The following MIER3 variants were observed in gnomAD, a reference collection of about 807,000 sequenced individuals.
MIER3 encodes MIER family member 3.
A neutral mutation model predicts 63.2 loss-of-function variants in MIER3; 9 were observed. That is an observed-to-expected ratio of 0.14 (90% confidence interval 0.09 to 0.25). The LOEUF is 0.25. MIER3 is among the 10% of genes least tolerant of loss of function. MIER3 has a pLI of 1.00. For synonymous variants in MIER3, 205 were observed against 224.9 expected (o/e 0.91, Z 0.79); for missense variants, 512 against 666.2 (o/e 0.77, Z 2.55).
chr5:56,947,519 A>G (rs79603511), intron 2 of MIER3, among the ~76,000 whole-genome samples: 2,200 of 152,296 alleles, frequency 0.014, 19 homozygotes, highest in Non-Finnish European at 0.024. Flanking sequence ...TATAAATTTT[A>G]CTCAAATTCT....
At chr5:56,935,301 T>TA (rs1750403803) in intron 7 of MIER3, 127 bp downstream of exon 7, 5 of 733,048 alleles carry the variant, frequency 6.8e-6, no homozygotes. Context: ...CTAAAAATCC[T>TA]AACTCTGCAT....
intron 10 of MIER3, chr5:56,925,211 T>G: frequency 5.9e-6 from 2 of 336,662 alleles, no homozygotes; most frequent in Non-Finnish European, 1.2e-5. Context: ...TTTTCAAACA[T>G]ACAGAAAGTG....
intron 10 of MIER3, chr5:56,927,746 G>A (rs1260417688): frequency 6.6e-6 from 1 of 151,980 alleles, no homozygotes; most frequent in Non-Finnish European, 1.5e-5. Flanking sequence ...TTTACATTAG[G>A]GTTTACTCTT....
At chr5:56,951,835 C>T (rs1051398977) in intron 1 of MIER3, among the ~76,000 whole-genome samples, 15 of 151,346 alleles carry the variant, frequency 9.9e-5, no homozygotes, top group South Asian at 6.2e-4. Context: ...CCGCCACCTC[C>T]GTCCGGCTCG....
intron 7 of MIER3, 109 bp downstream of exon 7, chr5:56,935,319 A>G: frequency 1.2e-6 from 1 of 834,252 alleles, no homozygotes; most frequent in Non-Finnish European, 1.9e-6. Context: ...CATGTTTCCC[A>G]AATCTATCTA....
Position 56,923,695 on chromosome 5 carries a change from C to T in MIER3, c.1191G>A (p.Leu397=), listed in dbSNP as rs200728399. 9.9e-6 allele frequency: 16 copies of T among 1,614,168 alleles called. No homozygotes were observed. The South Asian group carries it at 1.6e-4, about 17-fold the overall frequency. Residue 397 remains leucine (L), a synonymous_variant, in exon 12 of 13, where the codon TTG becomes TTA. Coordinates refer to ENST00000381199, the MANE Select transcript of MIER3 (RefSeq NM_001297599.2). ...GCAGAAAGGTCTTCATTTTACCTGT[C>T]AAGTCACTGGCAGTGAAGGAGTTGA... ...NILNSFTASD[L]TALTNSVATV... is the part of the protein sequence containing the mutation.
At chr5:56,947,994 C>G (rs1750883660) in intron 2 of MIER3, among the ~76,000 whole-genome samples, 1 of 152,008 alleles carries the variant, frequency 6.6e-6, no homozygotes, top group Non-Finnish European at 1.5e-5. Flanking sequence ...TCAATTAGAC[C>G]CGTAACCCTC....
chr5:56,929,171 TTAAAAAA>T (rs1339335244), intron 9 of MIER3: 3 of 203,376 alleles, frequency 1.5e-5, no homozygotes, highest in African/African-American at 4.6e-5. Flanking sequence ...GTTTTTCTGA[TTAAAAAA>T]AATTTTTTTA....
intron 9 of MIER3, among the ~76,000 whole-genome samples, chr5:56,930,325 G>A (rs1750214752): frequency 6.7e-6 from 1 of 150,134 alleles, no homozygotes; most frequent in Non-Finnish European, 1.5e-5. Flanking sequence ...TTTCCTGTCT[G>A]GCTGAAAAAA....
At position 56,919,637 on chromosome 5, in the gene MIER3, A is replaced by G. The variant is rs1206678738; in HGVS notation, c.*3491T>C. ...CAGATTTTTATTTCTGGAACTGTAC[A>G]CCAGGTATTAAAGTACAACAAATAC... On this transcript the variant is annotated 3_prime_UTR_variant, in exon 13 of 13. Coordinates refer to ENST00000381199, the MANE Select transcript of MIER3 (RefSeq NM_001297599.2). 7 of 152,656 alleles carry G rather than the reference A, an allele frequency of 4.6e-5. No individual in the cohort carries two copies. The East Asian group carries it at 1.3e-3, about 29-fold the overall frequency. The allele number at this position is 152,656 out of a possible 1,614,324, so 9.5% of individuals were successfully genotyped here. A position where few individuals can be genotyped will look rare whatever the true frequency, so the allele number is the denominator to read the frequency against.
chr5:56,951,077 T>C (rs1751008555), intron 1 of MIER3, among the ~76,000 whole-genome samples: 1 of 152,104 alleles, frequency 6.6e-6, no homozygotes, highest in African/African-American at 2.4e-5. Context: ...GAACTCGCGT[T>C]CTGAGCACCT....
intron 3 of MIER3, chr5:56,941,581 T>G (rs1294044102): frequency 1.3e-5 from 2 of 150,902 alleles, no homozygotes; most frequent in Non-Finnish European, 2.9e-5. Context: ...CAAAGTTTGG[T>G]GAGTAGAATG....
At position 56,940,901 on chromosome 5, in the gene MIER3, C is replaced by G. The variant is rs61285951; in HGVS notation, c.181-1884G>C. The stretch of plus-strand genomic sequence containing the variant: ...CATATTGGTTCTAATACAAGAGGTG[C>G]CTGGGTTGCAGCCTTTGCCAAGCAC... On this transcript the variant is annotated intron_variant, in intron 3 of 12. Coordinates refer to ENST00000381199, the MANE Select transcript of MIER3 (RefSeq NM_001297599.2). 2.6e-5 allele frequency: 23 copies of G among 901,114 alleles called. No homozygotes were observed. In the African/African-American group the frequency reaches 4.0e-4, roughly 16 times the overall value. The allele number at this position is 901,114 out of a possible 1,614,324, so 55.8% of individuals were successfully genotyped here. A position where few individuals can be genotyped will look rare whatever the true frequency, so the allele number is the denominator to read the frequency against.
intron 1 of MIER3, among the ~76,000 whole-genome samples, chr5:56,951,829 C>T (rs1751045963): frequency 6.6e-6 from 1 of 151,410 alleles, no homozygotes; most frequent in South Asian, 2.1e-4. Flanking sequence ...AGCCGGCCGC[C>T]ACCTCCGTCC....
At chr5:56,939,298 C>CT (rs563792813) in intron 3 of MIER3, among the ~76,000 whole-genome samples, 13 of 150,764 alleles carry the variant, frequency 8.6e-5, no homozygotes, top group East Asian at 7.7e-4. Flanking sequence ...GCTTTAGTGC[C>CT]TTTTTTTTTG....
At chr5:56,936,011 G>A (rs370390928) in intron 5 of MIER3, among the ~76,000 whole-genome samples, 348 of 152,222 alleles carry the variant, frequency 2.3e-3, no homozygotes, top group African/African-American at 8.2e-3. Context: ...TGGATCGCTT[G>A]AGGTCAGGAG....
chr5:56,935,412 C>A lies in MIER3; in HGVS notation c.595+16G>T. On this transcript the variant is annotated intron_variant, in intron 7 of 12. Transcript: ENST00000381199. ...CTTATCTACCAAACATTATCAAAATCAAAAGCTTTCCTTACCTTTCTCATT... is the reference window on the plus strand; with the variant it reads ...CTTATCTACCAAACATTATCAAAATAAAAAGCTTTCCTTACCTTTCTCATT... 1 of 1,561,290 alleles carries A rather than the reference C, an allele frequency of 6.4e-7. No homozygotes were observed. Among genetic ancestry groups the A allele is most frequent in the South Asian group, 1.2e-5 (1 of 81,694 alleles).
intron 2 of MIER3, 73 bp downstream of exon 2, chr5:56,950,555 T>G: frequency 6.8e-7 from 1 of 1,467,256 alleles, no homozygotes; most frequent in South Asian, 1.2e-5. Context: ...CTATTGGGAA[T>G]CCTTTAGCAA....
intron 3 of MIER3, among the ~76,000 whole-genome samples, chr5:56,944,631 C>T (rs1750765635): frequency 6.6e-6 from 1 of 152,178 alleles, no homozygotes; most frequent in African/African-American, 2.4e-5. Flanking sequence ...GTAACTAACG[C>T]CTGTCTGATA....
Sources: allele counts gnomAD v4.1 joint callset (sites outside exome capture counted in the v4.1 genomes callset), GRCh38; gene constraint gnomAD v4.1.1; transcripts MANE v1.5; gene names NCBI Gene and HGNC (gene_info 2026-07-23, HGNC 2026-07-21).